The following SLC6A16 variants were observed in gnomAD, a reference collection of about 807,000 sequenced individuals.
The protein encoded by SLC6A16 is orphan sodium- and chloride-dependent neurotransmitter transporter NTT5.
SLC6A16 carries 54 observed loss-of-function variants against 65.4 expected under a neutral mutation model. The observed-to-expected ratio is 0.83, with a 90% CI of 0.66 to 1.04. The LOEUF is 1.04. Ranked by LOEUF, SLC6A16 falls within the 50% of genes least tolerant of loss-of-function variation. The pLI is 0.00. For synonymous variants in SLC6A16, 330 were observed against 346.5 expected, an observed-to-expected ratio of 0.95 and a Z score of 0.53; for missense variants, 816 against 914.0, an observed-to-expected ratio of 0.89 and a Z score of 1.38.
the SLC6A16 span, chr19:49,340,058 C>A: frequency 6.6e-7 from 1 of 1,507,290 alleles, no homozygotes; most frequent in Non-Finnish European, 8.8e-7. Flanking sequence ...CCACTTGTAG[C>A]AGCTATTCCC....
intron 1 of SLC6A16, among the ~76,000 whole-genome samples, chr19:49,317,986 A>G (rs1970643834): frequency 6.6e-6 from 1 of 152,218 alleles, no homozygotes; most frequent in African/African-American, 2.4e-5. Flanking sequence ...AGAGCCTGGC[A>G]GTCTCAGCAC....
intron 7 of SLC6A16, among the ~76,000 whole-genome samples, chr19:49,299,063 G>T (rs1298044446): frequency 6.6e-6 from 1 of 151,670 alleles, no homozygotes; most frequent in Admixed American, 6.6e-5. Context: ...GGCTAACACG[G>T]TGAAACCCCG....
Position 49,293,815 on chromosome 19 carries a change from A to T in SLC6A16, c.1618+12T>A. 1 of 1,611,514 alleles carries T rather than the reference A, an allele frequency of 6.2e-7. No homozygotes were observed. Among genetic ancestry groups the T allele is most frequent in the Non-Finnish European group, 8.5e-7 (1 of 1,177,960 alleles). On this transcript the variant is annotated intron_variant, in intron 9 of 11. Coordinates refer to ENST00000335875, the MANE Select transcript of SLC6A16 (RefSeq NM_014037.3). ...AGGGTCATTGTTAGGAGTAGGGCCT[A>T]GGTCAGAGTACCTATGAGCAGCTTT...
intron 1 of SLC6A16, among the ~76,000 whole-genome samples, chr19:49,323,963 G>A (rs1340941806): frequency 6.6e-6 from 1 of 152,172 alleles, no homozygotes; most frequent in Non-Finnish European, 1.5e-5. Flanking sequence ...CCAGAAGTTC[G>A]AGGCTGTAGT....
chr19:49,304,396 C>T (rs904702556), intron 7 of SLC6A16, among the ~76,000 whole-genome samples: 1 of 152,212 alleles, frequency 6.6e-6, no homozygotes, highest in African/African-American at 2.4e-5. Context: ...ACTGGTGTCA[C>T]CCTTGTTATC....
chr19:49,334,201 A>C, the SLC6A16 span, among the ~76,000 whole-genome samples: 5 of 152,254 alleles, frequency 3.3e-5, no homozygotes, highest in Non-Finnish European at 5.9e-5. Flanking sequence ...AAAAGAAGAC[A>C]GGCTGGGCAC....
chr19:49,289,928 G>C lies in SLC6A16; in HGVS notation c.*195C>G. 1.7e-6 allele frequency: 1 copy of C among 599,972 alleles called. No individual in the cohort carries two copies. The highest frequency in any genetic ancestry group is 2.8e-5 in the East Asian group (1 of 36,036). The allele number at this position is 599,972 out of a possible 1,614,324, so 37.2% of individuals were successfully genotyped here. A position where few individuals can be genotyped will look rare whatever the true frequency, so the allele number is the denominator to read the frequency against. ...GGAAGAGGATGGGGAAAACAATGATGGTGGTCACCAGGTAAGATGGGACCC... is the reference window on the plus strand; with the variant it reads ...GGAAGAGGATGGGGAAAACAATGATCGTGGTCACCAGGTAAGATGGGACCC... On this transcript the variant is annotated 3_prime_UTR_variant, in exon 12 of 12. Coordinates refer to ENST00000335875, the MANE Select transcript of SLC6A16 (RefSeq NM_014037.3).
intron 7 of SLC6A16, among the ~76,000 whole-genome samples, chr19:49,300,553 GA>G (rs373759967): frequency 2.0e-4 from 29 of 146,524 alleles, no homozygotes; most frequent in African/African-American, 4.3e-4. Context: ...ACTAGTGGAG[GA>G]AAAAAAAAAT....
chr19:49,317,631 C>T (rs1970635647), intron 1 of SLC6A16, among the ~76,000 whole-genome samples: 1 of 151,846 alleles, frequency 6.6e-6, no homozygotes, highest in South Asian at 2.1e-4. Context: ...ATGGTGAAAC[C>T]CCATCTCTAC....
Position 49,292,531 on chromosome 19 carries a change from C to T in SLC6A16, c.1778+692G>A, listed in dbSNP as rs1339833338. ...GAAAATGTCATTCTCCTACTCAAAA[C>T]CCTCCAATGCTTCATCTGCCATTCT... On this transcript the variant is annotated intron_variant, in intron 10 of 11. Transcript: ENST00000335875. The surrounding 1 kb of genome is among the most constrained non-coding windows in gnomAD (Gnocchi z 4.3). Among the ~76,000 whole-genome samples, 3 of 152,040 alleles carry T rather than the reference C, an allele frequency of 2.0e-5. No individual in the cohort carries two copies. Among genetic ancestry groups the T allele is most frequent in the Non-Finnish European group, 2.9e-5 (2 of 68,036 alleles).
intron 4 of SLC6A16, 69 bp from the exon 5 acceptor site, chr19:49,309,895 C>G: frequency 6.4e-7 from 1 of 1,561,914 alleles, no homozygotes; most frequent in Non-Finnish European, 8.8e-7. Context: ...TCCCCTCCCC[C>G]ACCTCCCTTT....
the SLC6A16 span, chr19:49,335,226 G>C: frequency 5.2e-6 from 2 of 382,506 alleles, no homozygotes; most frequent in Non-Finnish European, 9.5e-6. The surrounding 1 kb of genome is among the most constrained non-coding windows in gnomAD (Gnocchi z 4.6). Context: ...CCCAGCGCCT[G>C]AGACATGGAG....
At chr19:49,308,672 G>T in intron 7 of SLC6A16, 1 of 626,286 alleles carries the variant, frequency 1.6e-6, no homozygotes, top group East Asian at 2.7e-5. Flanking sequence ...TTTATTTCTA[G>T]GGTGACAAAA....
intron 7 of SLC6A16, among the ~76,000 whole-genome samples, chr19:49,295,627 T>C (rs976166044): frequency 6.6e-6 from 1 of 152,238 alleles, no homozygotes; most frequent in Non-Finnish European, 1.5e-5. Flanking sequence ...TAAGGAATTA[T>C]CAGGCAAACA....
intron 7 of SLC6A16, among the ~76,000 whole-genome samples, chr19:49,295,408 G>A (rs1027336242): frequency 6.6e-5 from 10 of 151,758 alleles, no homozygotes; most frequent in African/African-American, 2.4e-4. Flanking sequence ...TCATTGCTCT[G>A]TAAGAACTGC....
At chr19:49,297,441 G>T (rs988024882) in intron 7 of SLC6A16, among the ~76,000 whole-genome samples, 1 of 152,192 alleles carries the variant, frequency 6.6e-6, no homozygotes, top group African/African-American at 2.4e-5. Context: ...TATTGACAAG[G>T]ATGTGGGACA....
chr19:49,315,927 C>T (rs982789022), intron 1 of SLC6A16, among the ~76,000 whole-genome samples: 33 of 152,168 alleles, frequency 2.2e-4, no homozygotes, highest in African/African-American at 7.0e-4. Flanking sequence ...CACTTCCTTC[C>T]CATTGCATTA....
chr19:49,290,646 A>T lies in SLC6A16; in HGVS notation c.1900T>A (p.Cys634Ser). 1 of 1,614,132 alleles carries T rather than the reference A, an allele frequency of 6.2e-7. No homozygotes were observed. Among genetic ancestry groups the T allele is most frequent in the Middle Eastern group, 1.6e-4 (1 of 6,062 alleles). Reference sequence around the variant, plus strand: ...GACATGTAGGTGATCGGCTTCATACAAAGATGAACCATCATGGTCACAAAG... The same window carrying T: ...GACATGTAGGTGATCGGCTTCATACTAAGATGAACCATCATGGTCACAAAG... ...IIFVTMMVHL[C>S]MKPITYMSWD... The change falls in exon 11 of 12, where the codon TGT (cysteine) becomes AGT (serine). Residue 634 changes from cysteine to serine, a missense_variant. By Grantham distance (112) the Cys-to-Ser change is moderately radical. Transcript: ENST00000335875.
rs547120842 is a variant in SLC6A16, at chr19:49,317,536, G to A, written c.-64-6125C>T. ...AAACTGTACAAATAGGCCAGGCGCC[G>A]TGGCTCACGCCTGTAATCCTAGCAC... On this transcript the variant is annotated intron_variant, in intron 1 of 11. Transcript: ENST00000335875. 1.2e-3 allele frequency among the ~76,000 whole-genome samples: 186 copies of A among 152,252 alleles called. 1 individual carries two copies. The highest frequency in any genetic ancestry group is 0.01 in the Middle Eastern group (3 of 294).
Sources: gnomAD v4.1 joint callset for allele counts (sites outside exome capture counted in the v4.1 genomes callset) on GRCh38, gnomAD v4.1.1 for gene constraint, Gnocchi (gnomAD v3.1) non-coding constraint, MANE v1.5 for transcripts, NCBI Gene and HGNC (gene_info 2026-07-23, HGNC 2026-07-21) for gene names.